ACSL5: variants seen among roughly 807,000 people sequenced by gnomAD.
ACSL5 encodes the protein long-chain-fatty-acid--CoA ligase 5.
Under a neutral mutation model 84.9 loss-of-function variants are expected in ACSL5, and 50 were observed. That is an observed-to-expected ratio of 0.59 (90% confidence interval 0.47 to 0.75). ACSL5 has a LOEUF of 0.75. Ranked by LOEUF, ACSL5 falls within the 30% of genes least tolerant of loss-of-function variation. ACSL5 has a pLI of 0.00. For synonymous variants in ACSL5, 280 were observed against 300.7 expected, an observed-to-expected ratio of 0.93 and a Z score of 0.71; for missense variants, 775 against 830.4, an observed-to-expected ratio of 0.93 and a Z score of 0.82.
At chr10:112,385,576 T>C (rs1157914872) in intron 1 of ACSL5, among the ~76,000 whole-genome samples, 2 of 152,196 alleles carry the variant, frequency 1.3e-5, no homozygotes, top group Non-Finnish European at 2.9e-5. Context: ...TTAAGAACTA[T>C]AAGCAAAGTT....
chr10:112,377,933 A>C (rs1234212016), intron 1 of ACSL5, among the ~76,000 whole-genome samples: 1 of 152,242 alleles, frequency 6.6e-6, no homozygotes, highest in East Asian at 1.9e-4. Flanking sequence ...TTAATTATTA[A>C]AAAAGAGAAA....
intron 1 of ACSL5, among the ~76,000 whole-genome samples, chr10:112,386,255 G>A (rs1402092537): frequency 7.3e-6 from 1 of 136,758 alleles, no homozygotes; most frequent in Non-Finnish European, 1.5e-5. Context: ...GTGCAGTGGT[G>A]CAATCTCGGC....
intron 1 of ACSL5, among the ~76,000 whole-genome samples, chr10:112,382,723 T>C (rs1373808454): frequency 6.6e-6 from 1 of 152,232 alleles, no homozygotes; most frequent in East Asian, 1.9e-4. Context: ...GTCTGAAGCC[T>C]AGACTCTTAA....
At chr10:112,394,809 CGTGT>C (rs759062236) in intron 1 of ACSL5, 105 bp from the exon 2 acceptor site, 19 of 1,504,228 alleles carry the variant, frequency 1.3e-5, no homozygotes, top group South Asian at 2.6e-5. Flanking sequence ...GGCGTGCGCG[CGTGT>C]GTGTGTGTAT....
At chr10:112,407,620 C>T (rs570696810) in intron 5 of ACSL5, among the ~76,000 whole-genome samples, 73 of 152,288 alleles carry the variant, frequency 4.8e-4, no homozygotes, top group African/African-American at 1.6e-3. Flanking sequence ...GTTCCTCCCA[C>T]GACACATGGG....
intron 1 of ACSL5, among the ~76,000 whole-genome samples, chr10:112,393,352 C>T (rs981347634): frequency 5.9e-5 from 9 of 152,128 alleles, no homozygotes; most frequent in African/African-American, 2.2e-4. Flanking sequence ...TCAGTTTTCT[C>T]CTCTAAAATG....
At chr10:112,414,540 T>A (rs1844272105) in intron 12 of ACSL5, among the ~76,000 whole-genome samples, 1 of 151,992 alleles carries the variant, frequency 6.6e-6, no homozygotes, top group Non-Finnish European at 1.5e-5. Flanking sequence ...TATTTTTTAG[T>A]AGAGATGGGG....
chr10:112,417,150 C>T, intron 13 of ACSL5, 128 bp downstream of exon 13: 1 of 928,244 alleles, frequency 1.1e-6, no homozygotes, highest in Non-Finnish European at 1.5e-6. Flanking sequence ...TTTGTGTCCA[C>T]TGCCTTTTGA....
At chr10:112,397,448 G>A (rs1843774226) in intron 2 of ACSL5, among the ~76,000 whole-genome samples, 1 of 152,068 alleles carries the variant, frequency 6.6e-6, no homozygotes, top group African/African-American at 2.4e-5. Flanking sequence ...GAAATTACAG[G>A]CGTGAGCCAC....
intron 17 of ACSL5, among the ~76,000 whole-genome samples, chr10:112,423,614 G>A (rs1481505916): frequency 1.3e-5 from 2 of 152,120 alleles, no homozygotes; most frequent in Non-Finnish European, 2.9e-5. Context: ...CCAGCAAGCA[G>A]TAAGTCAGTG....
chr10:112,380,788 G>A (rs1179367531), intron 1 of ACSL5, among the ~76,000 whole-genome samples: 1 of 152,064 alleles, frequency 6.6e-6, no homozygotes, highest in Non-Finnish European at 1.5e-5. Context: ...TCTTAAGACA[G>A]GGTCACACTC....
intron 1 of ACSL5, among the ~76,000 whole-genome samples, chr10:112,378,237 T>C: frequency 8.3e-6 from 1 of 120,154 alleles, no homozygotes; most frequent in South Asian, 2.9e-4. Flanking sequence ...GTTTTTTTTT[T>C]TTTTTTTTTT....
At chr10:112,377,381 A>G (rs1250032628) in intron 1 of ACSL5, among the ~76,000 whole-genome samples, 1 of 152,152 alleles carries the variant, frequency 6.6e-6, no homozygotes, top group Admixed American at 6.5e-5. Context: ...CTCTACTGAA[A>G]ATACAAAAAT....
chr10:112,417,129 T>G, intron 13 of ACSL5, 107 bp downstream of exon 13: 1 of 1,315,052 alleles, frequency 7.6e-7, no homozygotes, highest in African/African-American at 1.5e-5. Context: ...TAACTAGAGA[T>G]CCTTTCAGAC....
At chr10:112,409,194 A>G (rs1003587500) in intron 6 of ACSL5, 2 of 265,560 alleles carry the variant, frequency 7.5e-6, no homozygotes, top group African/African-American at 4.4e-5. Context: ...CTCAAATAAA[A>G]CAGTGATAGA....
Position 112,411,516 on chromosome 10 carries a change from T to C in ACSL5, c.857T>C (p.Leu286Pro). Residue 286 changes from leucine (L) to proline (P), a missense_variant, in exon 10 of 21, where the codon CTC becomes CCC. Leu to Pro is a moderately conservative substitution (Grantham distance 98). Transcript: ENST00000354655. ...ATTGTTTCAAATGCTGCTGCCTTTC[T>C]CAAATGTGTGGAGGTCAGTGGTCAG... is the stretch of plus-strand genomic sequence containing the variant. ...QNIVSNAAAFLKCVEHAYEPT... is the reference protein window; with the variant it reads ...QNIVSNAAAFPKCVEHAYEPT... 6.2e-7 allele frequency: 1 copy of C among 1,613,696 alleles called. No individual in the cohort carries two copies. Among genetic ancestry groups the C allele is most frequent in the Non-Finnish European group, 8.5e-7 (1 of 1,179,600 alleles).
intron 1 of ACSL5, among the ~76,000 whole-genome samples, chr10:112,382,151 T>C (rs1442419339): frequency 6.6e-6 from 1 of 152,184 alleles, no homozygotes; most frequent in Non-Finnish European, 1.5e-5. Flanking sequence ...CCCAAATGGA[T>C]ACATTATGAG....
chr10:112,410,254 A>G (rs1425307607), intron 7 of ACSL5: 1 of 1,529,154 alleles, frequency 6.5e-7, no homozygotes, highest in Non-Finnish European at 8.8e-7. Flanking sequence ...TCTACCCTCT[A>G]TAGGTAGATG....
chr10:112,391,631 A>G (rs1843641822), intron 1 of ACSL5, among the ~76,000 whole-genome samples: 1 of 152,216 alleles, frequency 6.6e-6, no homozygotes, highest in Non-Finnish European at 1.5e-5. Flanking sequence ...GTTTGTGGGC[A>G]ATATGATTGA....
Sources: gnomAD v4.1 joint callset for allele counts (sites outside exome capture counted in the v4.1 genomes callset) on GRCh38, gnomAD v4.1.1 for gene constraint, MANE v1.5 for transcripts, NCBI Gene and HGNC (gene_info 2026-07-23, HGNC 2026-07-21) for gene names.